Variants in PLD5 observed in about 807,000 individuals in gnomAD.
PLD5 encodes inactive phospholipase D5.
Under a neutral mutation model 61.1 loss-of-function variants are expected in PLD5, and 36 were observed. That is an observed-to-expected ratio of 0.59 (90% CI 0.45 to 0.78). PLD5 has a LOEUF of 0.78. PLD5 is among the 30% of genes least tolerant of loss of function. PLD5 has a pLI of 0.00. For missense variants in PLD5, 515 were observed against 644.4 expected (o/e 0.80, Z 2.17); for synonymous variants, 243 against 242.8 (o/e 1.00, Z -0.01).
chr1:242,230,085 G>A lies in PLD5; in HGVS notation c.608-9970C>T, dbSNP rs142884255. ...GGCCAGAGATGCTGCTAAACATCCT[G>A]CATTGCACAGGATAGCCCCCAAACA... On this transcript the variant is annotated intron_variant, in intron 4 of 9. Coordinates refer to ENST00000536534, the MANE Select transcript of PLD5 (RefSeq NM_001372062.1). Among the ~76,000 whole-genome samples the A allele has an allele frequency of 3.0e-3, 461 of 152,182 alleles. 4 individuals carry two copies. Among genetic ancestry groups the A allele is most frequent in the African/African-American group, 0.011 (448 of 41,492 alleles).
chr1:242,336,705 T>C (rs886728936), intron 2 of PLD5, among the ~76,000 whole-genome samples: 1 of 152,114 alleles, frequency 6.6e-6, no homozygotes, highest in Non-Finnish European at 1.5e-5. Context: ...TAAAACTGAA[T>C]TGTTGACATT....
At chr1:242,478,936 C>T (rs1667682255) in intron 1 of PLD5, among the ~76,000 whole-genome samples, 1 of 152,102 alleles carries the variant, frequency 6.6e-6, no homozygotes. Context: ...TGATAGAATA[C>T]TAGTTATTAA....
chr1:242,263,076 C>T (rs1013963092), intron 4 of PLD5, among the ~76,000 whole-genome samples: 8 of 152,112 alleles, frequency 5.3e-5, no homozygotes, highest in Admixed American at 1.3e-4. Flanking sequence ...GCAAAAGGAA[C>T]AGGAATGACC....
chr1:242,155,337 G>A (rs1484783331), intron 5 of PLD5, among the ~76,000 whole-genome samples: 1 of 152,092 alleles, frequency 6.6e-6, no homozygotes, highest in East Asian at 1.9e-4. Flanking sequence ...AGTTTTTCGT[G>A]TCTCTATCTC....
At chr1:242,230,127 C>T (rs1307729441) in intron 4 of PLD5, among the ~76,000 whole-genome samples, 7 of 152,164 alleles carry the variant, frequency 4.6e-5, no homozygotes, top group African/African-American at 1.2e-4. Flanking sequence ...AATTATTCAG[C>T]TCACAATGTT....
chr1:242,432,293 C>T lies in PLD5; in HGVS notation c.190-84051G>A, dbSNP rs74154121. ...CACGGAATAGCATCAATAGGAAATT[C>T]GGACACTACCAAGGATAAAATATTA... On this transcript the variant is annotated intron_variant, in intron 1 of 9. Coordinates refer to ENST00000536534, the MANE Select transcript of PLD5 (RefSeq NM_001372062.1). Among the ~76,000 whole-genome samples the T allele has an allele frequency of 2.5e-3, 380 of 152,242 alleles. 2 individuals are homozygous for T. Among genetic ancestry groups the T allele is most frequent in the African/African-American group, 7.5e-3 (313 of 41,540 alleles).
intron 4 of PLD5, among the ~76,000 whole-genome samples, chr1:242,228,424 T>C (rs1003255790): frequency 6.6e-6 from 1 of 152,156 alleles, no homozygotes. Flanking sequence ...CTAGGTCCCA[T>C]GTGAAAACAT....
At chr1:242,315,160 A>C (rs1379368406) in intron 2 of PLD5, among the ~76,000 whole-genome samples, 1 of 152,130 alleles carries the variant, frequency 6.6e-6, no homozygotes. Flanking sequence ...TGCAGTGGGG[A>C]ATTTATGCTG....
intron 3 of PLD5, 101 bp from the exon 4 acceptor site, chr1:242,265,549 A>C (rs1297158091): frequency 9.4e-7 from 1 of 1,058,436 alleles, no homozygotes; most frequent in Non-Finnish European, 1.3e-6. Flanking sequence ...ATTCGTTCAA[A>C]TGTTAAAAAG....
chr1:242,127,704 C>T (rs1050715638), intron 5 of PLD5, among the ~76,000 whole-genome samples: 2 of 152,062 alleles, frequency 1.3e-5, no homozygotes, highest in African/African-American at 4.8e-5. Context: ...AAATTGGGTT[C>T]AATGTACACT....
chr1:242,460,555 A>C (rs1667086076), intron 1 of PLD5, among the ~76,000 whole-genome samples: 1 of 152,136 alleles, frequency 6.6e-6, no homozygotes, highest in Non-Finnish European at 1.5e-5. Flanking sequence ...AAGGAAGAAG[A>C]TAATAAAGAC....
chr1:242,452,799 G>A (rs1400661604), intron 1 of PLD5, among the ~76,000 whole-genome samples: 7 of 152,064 alleles, frequency 4.6e-5, no homozygotes, highest in East Asian at 1.9e-4. Flanking sequence ...CTGGGTGGCC[G>A]AACCAGACCC....
At chr1:242,358,610 T>G (rs1030131030) in intron 1 of PLD5, among the ~76,000 whole-genome samples, 10 of 150,948 alleles carry the variant, frequency 6.6e-5, no homozygotes, top group African/African-American at 2.4e-4. Flanking sequence ...CCAAAGTCAC[T>G]TCTGATCTGG....
chr1:242,133,468 CTTTG>C (rs938329838), intron 5 of PLD5, among the ~76,000 whole-genome samples: 14 of 152,154 alleles, frequency 9.2e-5, no homozygotes, highest in African/African-American at 2.4e-4. Flanking sequence ...TCTTTCATTG[CTTTG>C]TTTGCGCATT....
At chr1:242,187,341 C>T (rs543881881) in intron 5 of PLD5, among the ~76,000 whole-genome samples, 1 of 152,128 alleles carries the variant, frequency 6.6e-6, no homozygotes, top group Non-Finnish European at 1.5e-5. Context: ...GCAGAAAGAC[C>T]CAGGGTCCTT....
intron 5 of PLD5, among the ~76,000 whole-genome samples, chr1:242,164,750 A>G (rs115324836): frequency 3.3e-5 from 5 of 152,118 alleles, no homozygotes; most frequent in Non-Finnish European, 7.3e-5. Flanking sequence ...TGCCTAAGTT[A>G]TCTCACTTGA....
chr1:242,509,995 A>G (rs1572267798), intron 1 of PLD5, among the ~76,000 whole-genome samples: 1 of 152,216 alleles, frequency 6.6e-6, no homozygotes, highest in African/African-American at 2.4e-5. Flanking sequence ...GGATTTTTGA[A>G]GCATTTCAAT....
chr1:242,283,429 T>C (rs1203172770), intron 3 of PLD5, among the ~76,000 whole-genome samples: 8 of 152,202 alleles, frequency 5.3e-5, no homozygotes, highest in Admixed American at 4.6e-4. Context: ...CTGGGCTGCT[T>C]TTTGGTTATG....
chr1:242,386,618 G>C (rs922582534), intron 1 of PLD5, among the ~76,000 whole-genome samples: 4 of 152,118 alleles, frequency 2.6e-5, no homozygotes, highest in Admixed American at 1.3e-4. Context: ...CAACACATCT[G>C]AGCTGCAGAA....
Sources: gnomAD v4.1 joint callset for allele counts (sites outside exome capture counted in the v4.1 genomes callset) on GRCh38, gnomAD v4.1.1 for gene constraint, MANE v1.5 for transcripts, NCBI Gene and HGNC (gene_info 2026-07-23, HGNC 2026-07-21) for gene names.